Variants in LPAR3 observed in about 807,000 individuals in gnomAD.
The protein encoded by LPAR3 is LPA receptor 3.
A neutral mutation model predicts 17.8 loss-of-function variants in LPAR3; 7 were observed. The observed-to-expected ratio is 0.39, with a 90% CI of 0.22 to 0.74. The LOEUF is 0.74. LPAR3 is among the 30% of genes least tolerant of loss of function. LPAR3 has a pLI of 0.40. For synonymous variants in LPAR3, 179 were observed against 179.9 expected, an observed-to-expected ratio of 0.99 and a Z score of 0.04; for missense variants, 391 against 453.4, an observed-to-expected ratio of 0.86 and a Z score of 1.25.
At chr1:84,828,090 T>A (rs1570862441) in intron 2 of LPAR3, among the ~76,000 whole-genome samples, 1 of 152,162 alleles carries the variant, frequency 6.6e-6, no homozygotes, top group South Asian at 2.1e-4. Flanking sequence ...ATCTGGACAC[T>A]ACCGGGAAAA....
At chr1:84,885,822 A>C (rs773931324) in intron 1 of LPAR3, among the ~76,000 whole-genome samples, 2 of 152,196 alleles carry the variant, frequency 1.3e-5, no homozygotes, top group Non-Finnish European at 2.9e-5. Flanking sequence ...AAATAAGCAA[A>C]AATATTGAAG....
rs1206774677 is a variant in LPAR3, at chr1:84,813,158, T to TATAGAGAGAGAG, written c.*687_*688insCTCTCTCTCTAT. On this transcript the variant is annotated 3_prime_UTR_variant, in exon 3 of 3. Transcript: ENST00000370611. ...ATATATATATATATATATATATATA[T>TATAGAGAGAGAG]AGACACACACACACACACACACACA... 23 of 101,688 alleles carry TATAGAGAGAGAG rather than the reference T, an allele frequency of 2.3e-4. No individual in the cohort carries two copies. The East Asian group carries it at 4.4e-3, about 19-fold the overall frequency. 6.3% of individuals were successfully genotyped at this position (101,688 alleles called of 1,614,324 possible).
chr1:84,828,469 T>C (rs1659210821), intron 2 of LPAR3, among the ~76,000 whole-genome samples: 1 of 152,196 alleles, frequency 6.6e-6, no homozygotes, highest in Non-Finnish European at 1.5e-5. Context: ...TATAACACTG[T>C]CTTTGTTTTC....
intron 2 of LPAR3, among the ~76,000 whole-genome samples, chr1:84,857,440 T>C (rs542753277): frequency 1.8e-4 from 27 of 152,284 alleles, no homozygotes; most frequent in African/African-American, 5.8e-4. Context: ...CAACTTGGAA[T>C]TGACAAAGCT....
chr1:84,835,723 AG>A lies in LPAR3; in HGVS notation c.737-21553del. 3.3e-5 allele frequency among the ~76,000 whole-genome samples: 5 copies of A among 152,270 alleles called. No homozygotes were observed. In the South Asian group the frequency reaches 1.0e-3, roughly 32 times the overall value. On this transcript the variant is annotated intron_variant, in intron 2 of 2. Coordinates refer to ENST00000370611, the MANE Select transcript of LPAR3 (RefSeq NM_012152.3). ...GTACAAATTTCTCTGGCACTCCTTG[AG>A]ATTCTTGCTAGATTGACGTCAATCT...
chr1:84,873,899 C>T (rs1660205318), intron 1 of LPAR3, among the ~76,000 whole-genome samples: 1 of 151,968 alleles, frequency 6.6e-6, no homozygotes, highest in Non-Finnish European at 1.5e-5. Context: ...ATTACAGGCG[C>T]CCGCCACCAT....
chr1:84,848,555 T>C lies in LPAR3; in HGVS notation c.736+16830A>G, dbSNP rs117476332. 2.0e-5 allele frequency among the ~76,000 whole-genome samples: 3 copies of C among 152,298 alleles called. No homozygotes were observed. The East Asian group carries it at 5.8e-4, about 29-fold the overall frequency. On this transcript the variant is annotated intron_variant, in intron 2 of 2. Coordinates refer to ENST00000370611, the MANE Select transcript of LPAR3 (RefSeq NM_012152.3). ...TTGCCTTAGACCAGAGACACAATAT[T>C]TCCTTTCCAAGTTGGAACAAATGAA...
chr1:84,864,985 C>G (rs1660010826), intron 2 of LPAR3, among the ~76,000 whole-genome samples: 1 of 151,918 alleles, frequency 6.6e-6, no homozygotes, highest in African/African-American at 2.4e-5. Context: ...CCTGGAACAC[C>G]CTTCCCCAGA....
intron 2 of LPAR3, among the ~76,000 whole-genome samples, chr1:84,849,244 G>A (rs1414891479): frequency 4.0e-5 from 6 of 151,692 alleles, no homozygotes; most frequent in Non-Finnish European, 8.8e-5. Context: ...GCGTGGTGGT[G>A]GGCACCTGTA....
chr1:84,890,713 C>T (rs1293051727), intron 1 of LPAR3, among the ~76,000 whole-genome samples: 1 of 152,202 alleles, frequency 6.6e-6, no homozygotes, highest in Non-Finnish European at 1.5e-5. Flanking sequence ...CTAATGTATA[C>T]TCCAAGGAGA....
At chr1:84,856,462 G>A (rs1659830661) in intron 2 of LPAR3, among the ~76,000 whole-genome samples, 1 of 152,170 alleles carries the variant, frequency 6.6e-6, no homozygotes, top group South Asian at 2.1e-4. Flanking sequence ...TTGAAAGCAG[G>A]CTTCTGTGTT....
At chr1:84,838,387 T>C (rs1398117037) in intron 2 of LPAR3, among the ~76,000 whole-genome samples, 4 of 152,214 alleles carry the variant, frequency 2.6e-5, no homozygotes, top group Non-Finnish European at 4.4e-5. Flanking sequence ...TGCGCTCATA[T>C]ATGGGCTACA....
At position 84,865,951 on chromosome 1, in the gene LPAR3, T is replaced by C; in HGVS notation, c.170A>G (p.Lys57Arg). 1 of 1,614,096 alleles carries C rather than the reference T, an allele frequency of 6.2e-7. No individual in the cohort carries two copies. The highest frequency in any genetic ancestry group is 8.5e-7 in the Non-Finnish European group (1 of 1,180,026). Residue 57 changes from lysine (K) to arginine (R), a missense_variant, in exon 2 of 3, where the codon AAA (lysine) becomes AGA (arginine). Transcript: ENST00000370611. ...GAAGGGGAAATGAAATTTTCTGTTTTTGATCACTGCCGCGATGACCAGAGA... is the reference window on the plus strand; with the variant it reads ...GAAGGGGAAATGAAATTTTCTGTTTCTGATCACTGCCGCGATGACCAGAGA... ...SNSLVIAAVI[K>R]NRKFHFPFYY...
intron 2 of LPAR3, among the ~76,000 whole-genome samples, chr1:84,827,560 C>A (rs1659186369): frequency 6.6e-6 from 1 of 152,158 alleles, no homozygotes; most frequent in African/African-American, 2.4e-5. Context: ...GCATGTCACC[C>A]CCAGAGTGGG....
intron 2 of LPAR3, among the ~76,000 whole-genome samples, chr1:84,829,218 T>C (rs1276345885): frequency 1.3e-5 from 2 of 150,994 alleles, no homozygotes; most frequent in Non-Finnish European, 1.5e-5. Flanking sequence ...GATTTGCTTT[T>C]TGTCATTACC....
At chr1:84,820,498 G>A (rs1319559325) in intron 2 of LPAR3, among the ~76,000 whole-genome samples, 1 of 152,198 alleles carries the variant, frequency 6.6e-6, no homozygotes, top group Non-Finnish European at 1.5e-5. Context: ...GTGCACAGGT[G>A]AGAAATAGCG....
chr1:84,872,527 A>G (rs555802807), intron 1 of LPAR3, among the ~76,000 whole-genome samples: 5 of 152,352 alleles, frequency 3.3e-5, no homozygotes, highest in African/African-American at 1.2e-4. Context: ...CAAAGCTACA[A>G]CAATCCAGGC....
chr1:84,887,470 G>A (rs1165004788), intron 1 of LPAR3, among the ~76,000 whole-genome samples: 1 of 152,018 alleles, frequency 6.6e-6, no homozygotes, highest in Non-Finnish European at 1.5e-5. Flanking sequence ...TGTAGGTACA[G>A]GTTTAATGAG....
intron 2 of LPAR3, among the ~76,000 whole-genome samples, chr1:84,825,661 T>C (rs1659141651): frequency 1.3e-5 from 2 of 152,210 alleles, no homozygotes; most frequent in African/African-American, 4.8e-5. Flanking sequence ...AATCCATGAT[T>C]GCTACACTAT....
Sources: allele counts gnomAD v4.1 joint callset (sites outside exome capture counted in the v4.1 genomes callset), GRCh38; gene constraint gnomAD v4.1.1; transcripts MANE v1.5; gene names NCBI Gene and HGNC (gene_info 2026-07-23, HGNC 2026-07-21).